Variants in ZNF705B observed in about 807,000 individuals in gnomAD.
The protein encoded by ZNF705B is Putative zinc finger protein 705D-like protein LOC100132396.
In ZNF705B, 1 loss-of-function variant was observed where a neutral mutation model predicts 10.5. The ratio of observed to expected loss-of-function variants is 0.10; its 90% CI spans 0.03 to 0.45. The LOEUF (loss-of-function observed/expected upper bound fraction) is 0.45. ZNF705B is among the 20% of genes least tolerant of loss of function. ZNF705B has a pLI of 0.97. For synonymous variants in ZNF705B, 4 were observed against 25.4 expected (o/e 0.16, Z 2.53); for missense variants, 14 against 84.0 (o/e 0.17, Z 3.26).
intron 1 of ZNF705B, among the ~76,000 whole-genome samples, chr8:7,927,250 C>T (rs1427261021): frequency 0.029 from 3,413 of 117,508 alleles, 101 homozygotes; most frequent in African/African-American, 0.085. Flanking sequence ...ATTCCATGGG[C>T]CCTAAAAGGC....
intron 2 of ZNF705B, among the ~76,000 whole-genome samples, chr8:7,931,162 C>T (rs1268296317): frequency 4.1e-5 from 5 of 121,262 alleles, no homozygotes; most frequent in Admixed American, 9.3e-5. Flanking sequence ...CAAGTGCCAG[C>T]AGTGACAGTG....
At chr8:7,929,301 C>T (rs1459393949) in intron 1 of ZNF705B, among the ~76,000 whole-genome samples, 2 of 121,352 alleles carry the variant, frequency 1.6e-5, no homozygotes, top group Non-Finnish European at 4.0e-5. Context: ...CTTACATGGT[C>T]TGGCATTAAA....
In ZNF705B at chr8:7,932,981, G is replaced by A. The variant is rs563989554; in HGVS notation, c.-72+2545G>A. On this transcript the variant is annotated intron_variant, in intron 2 of 6. Transcript: ENST00000400120. ...CAGAATAATGTCCCCTCTGTCTCCC[G>A]CCAAAGCTATCCACATCCTAACTCC... Among the ~76,000 whole-genome samples, 66 of 115,226 alleles carry A rather than the reference G, an allele frequency of 5.7e-4. 3 individuals are homozygous for A. The highest frequency in any genetic ancestry group is 5.4e-4 in the African/African-American group (21 of 38,962). The allele number at this position is 115,226 out of a possible 152,430, so 75.6% of individuals were successfully genotyped here.
At position 7,930,859 on chromosome 8, in the gene ZNF705B, TTG is replaced by T. The variant is rs1165554396; in HGVS notation, c.-72+425_-72+426del. ...GTTATTTTTTTTGTTTTTTTTTTTGTTGTTGTTGTTGTTTTGAGACAGAGTCT... is the reference window on the plus strand; with the variant it reads ...GTTATTTTTTTTGTTTTTTTTTTTGTTTGTTGTTGTTTTGAGACAGAGTCT... On this transcript the variant is annotated intron_variant, in intron 2 of 6. Coordinates refer to ENST00000400120, the MANE Select transcript of ZNF705B (RefSeq NM_001193630.1). 1.9e-3 allele frequency among the ~76,000 whole-genome samples: 113 copies of T among 60,116 alleles called. 3 individuals carry two copies. The highest frequency in any genetic ancestry group is 3.5e-3 in the African/African-American group (107 of 30,294). The allele number at this position is 60,116 out of a possible 152,430, so 39.4% of individuals were successfully genotyped here.
intron 1 of ZNF705B, among the ~76,000 whole-genome samples, chr8:7,929,304 G>C (rs1252191484): frequency 8.2e-6 from 1 of 121,258 alleles, no homozygotes; most frequent in Non-Finnish European, 2.0e-5. Flanking sequence ...ACATGGTCTG[G>C]CATTAAAAAT....
In ZNF705B at chr8:7,928,357, C is replaced by T. The variant is rs142649561; in HGVS notation, c.-221-1930C>T. 1.5e-3 allele frequency among the ~76,000 whole-genome samples: 178 copies of T among 120,938 alleles called. 12 individuals carry two copies. The highest frequency in any genetic ancestry group is 4.1e-3 in the African/African-American group (164 of 39,848). 79.3% of individuals were successfully genotyped at this position (120,938 alleles called of 152,430 possible). A position where few individuals can be genotyped will look rare whatever the true frequency, so the allele number is the denominator to read the frequency against. On this transcript the variant is annotated intron_variant, in intron 1 of 6. Transcript: ENST00000400120. Reference sequence around the variant, plus strand: ...CACTTCCTTACCTCCTTCCTCCCTCCGTCAATTTATTCATTCATGTATTGA... The same window carrying T: ...CACTTCCTTACCTCCTTCCTCCCTCTGTCAATTTATTCATTCATGTATTGA...
At chr8:7,935,383 G>A (rs1178400914) in intron 2 of ZNF705B, among the ~76,000 whole-genome samples, 2 of 136,578 alleles carry the variant, frequency 1.5e-5, no homozygotes, top group Admixed American at 7.3e-5. Context: ...CTGCTCTGGG[G>A]ATAGGCCACA....
rs1323977061 is a variant in ZNF705B at position 7,936,777 on chromosome 8, G to C, written c.-72+6341G>C. ...GCTACTCTTTGGGTACACCCTACCT[G>C]TGTGACAGAGTTATTCATACCCCAA... On this transcript the variant is annotated intron_variant, in intron 2 of 6. Coordinates refer to ENST00000400120, the MANE Select transcript of ZNF705B (RefSeq NM_001193630.1). Among the ~76,000 whole-genome samples the C allele has an allele frequency of 1.2e-4, 15 of 120,246 alleles. 2 individuals are homozygous for C. The highest frequency in any genetic ancestry group is 3.8e-4 in the African/African-American group (15 of 39,240). The allele number at this position is 120,246 out of a possible 152,430, so 78.9% of individuals were successfully genotyped here.
intron 2 of ZNF705B, among the ~76,000 whole-genome samples, chr8:7,941,434 C>T (rs1343858675): frequency 1.1e-5 from 1 of 89,760 alleles, no homozygotes; most frequent in Non-Finnish European, 2.6e-5. Flanking sequence ...CGCAAGTATA[C>T]AAGGGTTATC....
At chr8:7,929,581 T>C (rs1239834960) in intron 1 of ZNF705B, among the ~76,000 whole-genome samples, 1 of 123,586 alleles carries the variant, frequency 8.1e-6, no homozygotes, top group African/African-American at 2.5e-5. Flanking sequence ...GAGACTTGGA[T>C]CTGTAATCAT....
rs560931714 is a variant in ZNF705B at position 7,931,646 on chromosome 8, G to A, written c.-72+1210G>A. Among the ~76,000 whole-genome samples the A allele has an allele frequency of 5.4e-4, 67 of 123,014 alleles. 2 individuals are homozygous for A. Among genetic ancestry groups the A allele is most frequent in the African/African-American group, 1.5e-3 (61 of 40,108 alleles). 80.7% of individuals were successfully genotyped at this position (123,014 alleles called of 152,430 possible). ...TGCTCTGGCCCTGGAATAGTGCCCA[G>A]GCAGGTGAGTCCCCAGGTCCCCTGA... On this transcript the variant is annotated intron_variant, in intron 2 of 6. Transcript: ENST00000400120.
chr8:7,929,235 T>C (rs1252722325), intron 1 of ZNF705B, among the ~76,000 whole-genome samples: 2 of 121,906 alleles, frequency 1.6e-5, no homozygotes, highest in African/African-American at 5.0e-5. Context: ...CAGAAAGTAA[T>C]CTTGCATGAA....
intron 1 of ZNF705B, among the ~76,000 whole-genome samples, chr8:7,926,938 C>T (rs1244672056): frequency 8.9e-6 from 1 of 111,998 alleles, no homozygotes; most frequent in East Asian, 2.6e-4. Flanking sequence ...AGTTCAAATC[C>T]CAGCTCAATC....
At position 7,945,056 on chromosome 8, in the gene ZNF705B, A is replaced by C. The variant is rs1462935648; in HGVS notation, c.-71-2295A>C. 5.8e-5 allele frequency among the ~76,000 whole-genome samples: 2 copies of C among 34,624 alleles called. 1 individual carries two copies. The highest frequency in any genetic ancestry group is 1.7e-4 in the Non-Finnish European group (2 of 11,450). 22.7% of individuals were successfully genotyped at this position (34,624 alleles called of 152,430 possible). ...CTCATCTTGAAGTCACCAAATACAT[A>C]AGTTGTTATTTCTGCTCTGGTGAAA... On this transcript the variant is annotated intron_variant, in intron 2 of 6. Coordinates refer to ENST00000400120, the MANE Select transcript of ZNF705B (RefSeq NM_001193630.1).
At chr8:7,927,301 TG>T (rs1293734515) in intron 1 of ZNF705B, among the ~76,000 whole-genome samples, 1 of 120,552 alleles carries the variant, frequency 8.3e-6, no homozygotes, top group Admixed American at 9.5e-5. Context: ...GGGATTTTTT[TG>T]AGACATTCCA....
chr8:7,931,136 A>T (rs1584996551), intron 2 of ZNF705B, among the ~76,000 whole-genome samples: 1 of 121,360 alleles, frequency 8.2e-6, no homozygotes, highest in African/African-American at 2.5e-5. Context: ...TACAGGTGTG[A>T]GTCAGGTGGC....
intron 2 of ZNF705B, among the ~76,000 whole-genome samples, chr8:7,934,210 G>A (rs1263254504): frequency 7.2e-6 from 1 of 139,086 alleles, no homozygotes; most frequent in African/African-American, 2.5e-5. Flanking sequence ...AAAGTGCTAG[G>A]ATTACAGGCA....
At chr8:7,928,385 C>A (rs1200488865) in intron 1 of ZNF705B, among the ~76,000 whole-genome samples, 1 of 120,908 alleles carries the variant, frequency 8.3e-6, no homozygotes, top group African/African-American at 2.5e-5. Flanking sequence ...TGTATTGATT[C>A]TTTCATTCAA....
chr8:7,929,431 G>A (rs2698881), intron 1 of ZNF705B, among the ~76,000 whole-genome samples: 11 of 120,642 alleles, frequency 9.1e-5, no homozygotes, highest in Non-Finnish European at 1.6e-4. Flanking sequence ...AAATGAATAA[G>A]TGGATGAATC....
Sources: gnomAD v4.1 joint callset for allele counts (sites outside exome capture counted in the v4.1 genomes callset) on GRCh38, gnomAD v4.1.1 for gene constraint, MANE v1.5 for transcripts, NCBI Gene and HGNC (gene_info 2026-07-23, HGNC 2026-07-21) for gene names.